TAFA1: variants seen among roughly 807,000 people sequenced by gnomAD.
TAFA1 encodes chemokine-like protein TAFA-1.
In TAFA1, 4 loss-of-function variants were observed where a neutral mutation model predicts 18.5. The observed-to-expected ratio is 0.22, with a 90% CI of 0.11 to 0.49. The LOEUF (loss-of-function observed/expected upper bound fraction) is 0.49, where lower values mean the gene tolerates loss of function less well. Ranked by LOEUF, TAFA1 falls within the 20% of genes least tolerant of loss-of-function variation. The pLI, the probability that TAFA1 is intolerant of heterozygous loss-of-function variation, is 0.98. For missense variants in TAFA1, 147 were observed against 169.0 expected (o/e 0.87, Z 0.72); for synonymous variants, 56 against 55.2 (o/e 1.01, Z -0.06).
chr3:68,292,024 T>G (rs1347954923), intron 2 of TAFA1, among the ~76,000 whole-genome samples: 1 of 152,154 alleles, frequency 6.6e-6, no homozygotes, highest in Non-Finnish European at 1.5e-5. Flanking sequence ...TTTTAGCTAA[T>G]ACGGTTTCAG....
chr3:68,440,409 G>T (rs2071354533), intron 3 of TAFA1, among the ~76,000 whole-genome samples: 1 of 152,130 alleles, frequency 6.6e-6, no homozygotes, highest in African/African-American at 2.4e-5. Flanking sequence ...TAGGGCACAT[G>T]ATAAAGGAAA....
At chr3:68,220,622 A>G (rs535466204) in intron 2 of TAFA1, among the ~76,000 whole-genome samples, 4 of 152,266 alleles carry the variant, frequency 2.6e-5, no homozygotes, top group African/African-American at 9.6e-5. Context: ...CAAAATGATC[A>G]GTATCTCAGA....
rs763421484 is a variant in TAFA1 at position 68,256,291 on chromosome 3, G to A, written c.119-160989G>A. 2.8e-4 allele frequency among the ~76,000 whole-genome samples: 43 copies of A among 152,180 alleles called. 1 individual carries two copies. Among genetic ancestry groups the A allele is most frequent in the Non-Finnish European group, 5.6e-4 (38 of 67,992 alleles). Reference sequence around the variant, plus strand: ...CAAAAAGTCTTCCTTTAGCCACAGGGGAAATGCTGCTTTTTCAATACGAGG... The same window carrying A: ...CAAAAAGTCTTCCTTTAGCCACAGGAGAAATGCTGCTTTTTCAATACGAGG... On this transcript the variant is annotated intron_variant, in intron 2 of 4. Transcript: ENST00000478136.
chr3:68,142,049 G>A (rs1458316562), intron 2 of TAFA1, among the ~76,000 whole-genome samples: 1 of 152,052 alleles, frequency 6.6e-6, no homozygotes, highest in African/African-American at 2.4e-5. Context: ...CTTGACTTTT[G>A]GCTTCTGCCC....
chr3:68,240,633 A>G (rs1412652028), intron 2 of TAFA1, among the ~76,000 whole-genome samples: 4 of 152,178 alleles, frequency 2.6e-5, no homozygotes, highest in Non-Finnish European at 5.9e-5. Flanking sequence ...TAGACCTAGT[A>G]TGTCCTAGCG....
intron 2 of TAFA1, among the ~76,000 whole-genome samples, chr3:68,361,694 G>A (rs1356997043): frequency 4.6e-5 from 7 of 151,906 alleles, no homozygotes; most frequent in Non-Finnish European, 1.0e-4. Flanking sequence ...AACAGAACTG[G>A]GTAAGACATG....
At chr3:68,322,324 TTTGCTGGGTTTGTGCCC>T (rs1195548852) in intron 2 of TAFA1, among the ~76,000 whole-genome samples, 3 of 152,348 alleles carry the variant, frequency 2.0e-5, no homozygotes, top group African/African-American at 7.2e-5. Context: ...TTCTATAAGA[TTTGCTGGGTTTGTGCCC>T]TTGACGTTTT....
At chr3:68,517,037 G>A (rs1306968074) in intron 3 of TAFA1, among the ~76,000 whole-genome samples, 1 of 152,138 alleles carries the variant, frequency 6.6e-6, no homozygotes, top group Non-Finnish European at 1.5e-5. Context: ...GCCTCCCAAA[G>A]TGCTGGGATT....
chr3:68,448,989 T>C (rs2071521065), intron 3 of TAFA1, among the ~76,000 whole-genome samples: 1 of 152,198 alleles, frequency 6.6e-6, no homozygotes, highest in Non-Finnish European at 1.5e-5. Flanking sequence ...GTTTCATTAG[T>C]GCTGTTTAAA....
At chr3:68,096,401 C>T (rs2065087380) in intron 2 of TAFA1, among the ~76,000 whole-genome samples, 1 of 151,984 alleles carries the variant, frequency 6.6e-6, no homozygotes, top group Non-Finnish European at 1.5e-5. Context: ...GCAAAATTGC[C>T]CATGAATGAA....
At chr3:68,478,876 T>A (rs1247316057) in intron 3 of TAFA1, among the ~76,000 whole-genome samples, 1 of 150,994 alleles carries the variant, frequency 6.6e-6, no homozygotes, top group Admixed American at 6.6e-5. Flanking sequence ...TTGAAATATC[T>A]TTTAGAAGTC....
Position 68,008,686 on chromosome 3 carries a change from G to T in TAFA1, c.118+1942G>T, listed in dbSNP as rs1261124870. 2.0e-5 allele frequency among the ~76,000 whole-genome samples: 3 copies of T among 152,272 alleles called. No homozygotes were observed. In the East Asian group the frequency reaches 5.8e-4, roughly 29 times the overall value. ...CATGCCAAATAGCTTCTTTGAGGAAGTGTGAGCCCCTTCATATAATTTTTG... is the reference window on the plus strand; with the variant it reads ...CATGCCAAATAGCTTCTTTGAGGAATTGTGAGCCCCTTCATATAATTTTTG... On this transcript the variant is annotated intron_variant, in intron 2 of 4. Transcript: ENST00000478136.
chr3:68,281,301 G>T (rs1450893420), intron 2 of TAFA1, among the ~76,000 whole-genome samples: 4 of 151,768 alleles, frequency 2.6e-5, no homozygotes, highest in African/African-American at 9.7e-5. Context: ...TCCACAAAAA[G>T]AAAATACTAT....
intron 2 of TAFA1, among the ~76,000 whole-genome samples, chr3:68,263,238 A>T (rs938110744): frequency 6.6e-6 from 1 of 152,126 alleles, no homozygotes; most frequent in Non-Finnish European, 1.5e-5. Context: ...CTTCTATGGT[A>T]TAAACCAATA....
chr3:68,119,697 C>T (rs896436775), intron 2 of TAFA1, among the ~76,000 whole-genome samples: 2 of 152,104 alleles, frequency 1.3e-5, no homozygotes, highest in Admixed American at 6.5e-5. Context: ...TATGTGAGGG[C>T]TTATTTCAGA....
At chr3:68,300,291 T>C (rs1262719370) in intron 2 of TAFA1, among the ~76,000 whole-genome samples, 1 of 152,134 alleles carries the variant, frequency 6.6e-6, no homozygotes, top group Non-Finnish European at 1.5e-5. Flanking sequence ...AAGGAGATCA[T>C]TTGGGGACTT....
chr3:68,355,571 A>T (rs2069345134), intron 2 of TAFA1, among the ~76,000 whole-genome samples: 1 of 151,966 alleles, frequency 6.6e-6, no homozygotes. Context: ...GCATCACCCC[A>T]GTGTTTTAAA....
chr3:68,129,037 A>G (rs546148038), intron 2 of TAFA1, among the ~76,000 whole-genome samples: 1 of 152,338 alleles, frequency 6.6e-6, no homozygotes, highest in East Asian at 1.9e-4. Flanking sequence ...AACATTTCAT[A>G]GGGGCTCCCC....
chr3:68,093,091 C>T (rs1292558412), intron 2 of TAFA1, among the ~76,000 whole-genome samples: 1 of 152,026 alleles, frequency 6.6e-6, no homozygotes. Context: ...CCTCAAAATC[C>T]TGGGTGGCAT....
Sources: gnomAD v4.1 joint callset for allele counts (sites outside exome capture counted in the v4.1 genomes callset) on GRCh38, gnomAD v4.1.1 for gene constraint, MANE v1.5 for transcripts, NCBI Gene and HGNC (gene_info 2026-07-23, HGNC 2026-07-21) for gene names.